Variants in NXPE2 observed in about 807,000 individuals in gnomAD.
NXPE2 encodes the protein NXPE family member 2.
NXPE2 carries 34 observed loss-of-function variants against 34.4 expected under a neutral mutation model. The ratio of observed to expected loss-of-function variants is 0.99; its 90% CI spans 0.75 to 1.31. The LOEUF (loss-of-function observed/expected upper bound fraction) is 1.31. Ranked by LOEUF, NXPE2 falls within the 40% of genes most tolerant of loss-of-function variation. NXPE2 has a pLI of 0.00. For missense variants in NXPE2, 649 were observed against 672.5 expected (o/e 0.97, Z 0.39); for synonymous variants, 235 against 231.3 (o/e 1.02, Z -0.15).
chr11:114,479,592 G>T, the NXPE2 span, among the ~76,000 whole-genome samples: 17 of 152,086 alleles, frequency 1.1e-4, no homozygotes, highest in African/African-American at 4.1e-4. Context: ...TGGAATTGAG[G>T]TATAGGAAGG....
At chr11:114,612,083 A>G in the NXPE2 span, among the ~76,000 whole-genome samples, 2 of 151,696 alleles carry the variant, frequency 1.3e-5, no homozygotes, top group African/African-American at 2.4e-5. Context: ...ATGGTGGATA[A>G]TAAGTGTTGA....
At chr11:114,587,339 G>A in the NXPE2 span, among the ~76,000 whole-genome samples, 4 of 152,176 alleles carry the variant, frequency 2.6e-5, no homozygotes, top group Non-Finnish European at 5.9e-5. Flanking sequence ...AATTCCGGAA[G>A]TTAACCAGAG....
the NXPE2 span, among the ~76,000 whole-genome samples, chr11:114,566,009 A>G: frequency 2.6e-5 from 4 of 152,220 alleles, no homozygotes; most frequent in African/African-American, 9.6e-5. Context: ...GACTACCTGT[A>G]TGAATCTTGG....
chr11:114,562,666 G>C, the NXPE2 span, among the ~76,000 whole-genome samples: 1 of 152,152 alleles, frequency 6.6e-6, no homozygotes, highest in Non-Finnish European at 1.5e-5. Flanking sequence ...TGACTTTACA[G>C]AAGTAAATTA....
chr11:114,701,587 G>T (rs1394657766), intron 3 of NXPE2, among the ~76,000 whole-genome samples: 4 of 152,170 alleles, frequency 2.6e-5, no homozygotes, highest in Non-Finnish European at 4.4e-5. Context: ...TACAGGTGAT[G>T]TAGTGCATGT....
At chr11:114,469,302 AC>A in the NXPE2 span, among the ~76,000 whole-genome samples, 2 of 150,856 alleles carry the variant, frequency 1.3e-5, no homozygotes, top group Non-Finnish European at 3.0e-5. Flanking sequence ...TTTAGTAGAG[AC>A]GGGGTTTCAC....
At chr11:114,580,087 A>G in the NXPE2 span, 2 of 1,464,994 alleles carry the variant, frequency 1.4e-6, no homozygotes, top group Non-Finnish European at 1.9e-6. Flanking sequence ...AATGGAAAAG[A>G]AGTTTCTGAA....
the NXPE2 span, among the ~76,000 whole-genome samples, chr11:114,638,172 C>A: frequency 6.6e-6 from 1 of 151,784 alleles, no homozygotes; most frequent in Non-Finnish European, 1.5e-5. Context: ...TCTTTTTATT[C>A]TTTTTTCTCT....
the NXPE2 span, among the ~76,000 whole-genome samples, chr11:114,657,095 AAAAC>A: frequency 3.9e-5 from 6 of 152,176 alleles, no homozygotes; most frequent in Admixed American, 2.6e-4. Context: ...CTCCATCTCA[AAAAC>A]AAACAAACAA....
At chr11:114,543,734 T>C in the NXPE2 span, among the ~76,000 whole-genome samples, 1 of 151,856 alleles carries the variant, frequency 6.6e-6, no homozygotes, top group African/African-American at 2.4e-5. Context: ...TCCTAACTAG[T>C]ACAATAAAAC....
chr11:114,612,324 C>T, the NXPE2 span, among the ~76,000 whole-genome samples: 1 of 151,922 alleles, frequency 6.6e-6, no homozygotes, highest in African/African-American at 2.4e-5. Flanking sequence ...ACCACTGTTA[C>T]CTGGTGGATA....
chr11:114,651,258 G>A, the NXPE2 span, among the ~76,000 whole-genome samples: 4 of 152,022 alleles, frequency 2.6e-5, no homozygotes, highest in Admixed American at 6.6e-5. Flanking sequence ...AGATGTGTCC[G>A]GAGTTTCTTC....
chr11:114,474,685 AAG>A, the NXPE2 span, among the ~76,000 whole-genome samples: 3 of 152,216 alleles, frequency 2.0e-5, no homozygotes, highest in Non-Finnish European at 4.4e-5. Flanking sequence ...ATATTAAAAA[AAG>A]AAGCTTTGCA....
chr11:114,567,190 C>T, the NXPE2 span, among the ~76,000 whole-genome samples: 1 of 152,090 alleles, frequency 6.6e-6, no homozygotes, highest in East Asian at 1.9e-4. Flanking sequence ...AATAACCTTT[C>T]CTAGCCTTCC....
the NXPE2 span, among the ~76,000 whole-genome samples, chr11:114,496,182 A>T: frequency 6.6e-6 from 1 of 151,914 alleles, no homozygotes; most frequent in Non-Finnish European, 1.5e-5. Flanking sequence ...TCTTGCTGGA[A>T]CTCAGGTCCT....
chr11:114,779,088 TATTA>T, the NXPE2 span, among the ~76,000 whole-genome samples: 350 of 152,328 alleles, frequency 2.3e-3, 5 homozygotes, highest in Admixed American at 0.02. Context: ...ATGTTTTTGA[TATTA>T]ATTAAGTTAC....
the NXPE2 span, chr11:114,580,149 A>T: frequency 1.2e-6 from 2 of 1,613,684 alleles, no homozygotes. Context: ...ACTGGCTTTG[A>T]AGTATTCCAT....
the NXPE2 span, among the ~76,000 whole-genome samples, chr11:114,485,533 C>G: frequency 2.0e-5 from 3 of 151,664 alleles, no homozygotes; most frequent in African/African-American, 7.3e-5. Flanking sequence ...CCTGGCCATT[C>G]TAGTTTTTAA....
chr11:114,586,832 TA>T, the NXPE2 span, among the ~76,000 whole-genome samples: 1 of 152,190 alleles, frequency 6.6e-6, no homozygotes, highest in African/African-American at 2.4e-5. Flanking sequence ...TGCAATGCTT[TA>T]AAAATTTTTA....
Sources: allele counts gnomAD v4.1 joint callset (sites outside exome capture counted in the v4.1 genomes callset), GRCh38; gene constraint gnomAD v4.1.1; transcripts MANE v1.5; gene names NCBI Gene and HGNC (gene_info 2026-07-23, HGNC 2026-07-21).